LUZP1: variants seen among roughly 807,000 people sequenced by gnomAD.
LUZP1 encodes the protein leucine zipper protein 1, also known as filamin mechanobinding actin cross-linking protein.
In LUZP1, 25 loss-of-function variants were observed where a neutral mutation model predicts 71.3. The observed-to-expected ratio is 0.35, with a 90% CI of 0.26 to 0.49. The LOEUF (loss-of-function observed/expected upper bound fraction) is 0.49. Ranked by LOEUF, LUZP1 falls within the 20% of genes least tolerant of loss-of-function variation. The pLI, the probability that LUZP1 is intolerant of heterozygous loss-of-function variation, is 0.99. For synonymous variants in LUZP1, 481 were observed against 506.4 expected (o/e 0.95, Z 0.67); for missense variants, 1,142 against 1,300.8 (o/e 0.88, Z 1.88).
chr1:23,098,715 A>G (rs973381908), intron 3 of LUZP1, among the ~76,000 whole-genome samples: 1 of 152,214 alleles, frequency 6.6e-6, no homozygotes, highest in African/African-American at 2.4e-5. Context: ...GACAAGAGTG[A>G]AGAAACAGTC....
chr1:23,158,203 T>G (rs570803987), intron 2 of LUZP1, among the ~76,000 whole-genome samples: 1 of 152,370 alleles, frequency 6.6e-6, no homozygotes, highest in East Asian at 1.9e-4. Context: ...CCATTATATT[T>G]GCTTCCAGAG....
chr1:23,157,407 T>C (rs1644428376), intron 2 of LUZP1, among the ~76,000 whole-genome samples: 1 of 152,062 alleles, frequency 6.6e-6, no homozygotes, highest in Admixed American at 6.6e-5. Flanking sequence ...CCAGGCACAG[T>C]GGTGCCTACC....
intron 2 of LUZP1, among the ~76,000 whole-genome samples, chr1:23,165,306 T>C (rs1644501129): frequency 1.3e-5 from 2 of 151,960 alleles, no homozygotes; most frequent in Non-Finnish European, 2.9e-5. Context: ...TTTGTCAAAC[T>C]GTACACTTAA....
intron 2 of LUZP1, among the ~76,000 whole-genome samples, chr1:23,165,073 C>T (rs1269855801): frequency 6.6e-6 from 1 of 152,190 alleles, no homozygotes; most frequent in Non-Finnish European, 1.5e-5. Context: ...CCTTATTCTT[C>T]CTATTTACCT....
intron 2 of LUZP1, among the ~76,000 whole-genome samples, chr1:23,156,359 A>T (rs1361563446): frequency 6.6e-6 from 1 of 152,194 alleles, no homozygotes; most frequent in Non-Finnish European, 1.5e-5. Flanking sequence ...CAGCCTGGGC[A>T]ACAGAGCGAG....
At position 23,089,034 on chromosome 1, in the gene LUZP1, C is replaced by G. The variant is rs190175949; in HGVS notation, c.3092G>C (p.Cys1031Ser). The G allele has an allele frequency of 1.4e-5, 23 of 1,613,908 alleles. No individual in the cohort carries two copies. The Admixed American group carries it at 1.7e-4, about 12-fold the overall frequency. Residue 1031 changes from cysteine (C) to serine (S), a missense_variant, in exon 5 of 5, where the codon TGT becomes TCT. By Grantham distance (112) the Cys-to-Ser change is moderately radical. Transcript: ENST00000302291. ...CAGTTGCCTGTAGACACTGAGTGTACAGTCTTCCCCTTCTTCCTCCTGTGC... is the reference window on the plus strand; with the variant it reads ...CAGTTGCCTGTAGACACTGAGTGTAGAGTCTTCCCCTTCTTCCTCCTGTGC...
intron 2 of LUZP1, among the ~76,000 whole-genome samples, chr1:23,168,430 G>A (rs1274934052): frequency 7.1e-6 from 1 of 140,056 alleles, no homozygotes; most frequent in Non-Finnish European, 1.5e-5. Context: ...CCGCGTCTCT[G>A]CCCCAAACAT....
At chr1:23,143,968 C>T (rs1325802894) in intron 2 of LUZP1, among the ~76,000 whole-genome samples, 1 of 152,214 alleles carries the variant, frequency 6.6e-6, no homozygotes, top group Non-Finnish European at 1.5e-5. Flanking sequence ...CTTTATCTAC[C>T]TTCAATCATA....
At chr1:23,118,775 C>T (rs72877235) in intron 2 of LUZP1, among the ~76,000 whole-genome samples, 1,942 of 152,262 alleles carry the variant, frequency 0.013, 55 homozygotes, top group African/African-American at 0.044. Flanking sequence ...ATATTGTCAT[C>T]CTAATTTCAC....
intron 2 of LUZP1, among the ~76,000 whole-genome samples, chr1:23,158,168 A>C (rs377362627): frequency 2.0e-5 from 3 of 152,204 alleles, no homozygotes; most frequent in African/African-American, 7.2e-5. Context: ...GAAATTGTCT[A>C]ATTTAAACAT....
At chr1:23,110,510 T>C (rs1224187278) in intron 2 of LUZP1, among the ~76,000 whole-genome samples, 1 of 152,158 alleles carries the variant, frequency 6.6e-6, no homozygotes, top group African/African-American at 2.4e-5. Flanking sequence ...TACACATCCC[T>C]GCAAGCCACC....
chr1:23,115,414 AT>A (rs1644069948), intron 2 of LUZP1, among the ~76,000 whole-genome samples: 1 of 152,252 alleles, frequency 6.6e-6, no homozygotes, highest in African/African-American at 2.4e-5. Flanking sequence ...TATAAACAAG[AT>A]CAGAATTAGA....
chr1:23,122,554 A>T (rs933313888), intron 2 of LUZP1, among the ~76,000 whole-genome samples: 5 of 152,238 alleles, frequency 3.3e-5, no homozygotes, highest in Admixed American at 1.3e-4. Context: ...AGGCAGTACT[A>T]AAAGTTAGAA....
At chr1:23,092,549 T>A (rs774109355) in exon 4 of LUZP1, 3 of 1,614,170 alleles carry the variant, frequency 1.9e-6, no homozygotes, top group Non-Finnish European at 2.5e-6. Flanking sequence ...AGGAGGATCT[T>A]CGAGATGAGG....
rs370488038 is a variant in LUZP1, at chr1:23,094,189, G to A, written c.73C>T (p.Arg25Cys). Residue 25 changes from arginine to cysteine, a missense_variant, in exon 4 of 5, where the codon CGC (arginine) becomes TGC (cysteine). By Grantham distance (180) the Arg-to-Cys change is radical. Transcript: ENST00000302291. The surrounding 1 kb of genome is among the most constrained non-coding windows in gnomAD (Gnocchi z 4.7). Reference sequence around the variant, plus strand: ...GCTTCCTCCAACTCATCAAGGCGGCGGCTTAGACTCTGTAGCTTAAACCGC... The same window carrying A: ...GCTTCCTCCAACTCATCAAGGCGGCAGCTTAGACTCTGTAGCTTAAACCGC... 7.4e-6 allele frequency: 12 copies of A among 1,613,944 alleles called. No homozygotes were observed. The highest frequency in any genetic ancestry group is 6.7e-5 in the African/African-American group (5 of 74,882).
At chr1:23,166,041 T>A (rs1426157888) in intron 2 of LUZP1, among the ~76,000 whole-genome samples, 4 of 144,274 alleles carry the variant, frequency 2.8e-5, no homozygotes, top group Non-Finnish European at 6.0e-5. Flanking sequence ...TATGTTTGTC[T>A]TTTTACCAAA....
intron 2 of LUZP1, among the ~76,000 whole-genome samples, chr1:23,142,692 TATATATATACACACACACAC>T (rs1251923095): frequency 1.7e-4 from 14 of 80,104 alleles, no homozygotes; most frequent in African/African-American, 6.4e-4. Context: ...ATAAAATATA[TATATATATACACACACACAC>T]ACACACACAC....
chr1:23,107,758 A>G (rs1304879004), intron 3 of LUZP1, among the ~76,000 whole-genome samples: 1 of 152,196 alleles, frequency 6.6e-6, no homozygotes, highest in African/African-American at 2.4e-5. Flanking sequence ...GCAGTGAGCC[A>G]AGATCGCACC....
chr1:23,100,751 C>T (rs531708608), intron 3 of LUZP1, among the ~76,000 whole-genome samples: 1 of 152,324 alleles, frequency 6.6e-6, no homozygotes, highest in Admixed American at 6.5e-5. Context: ...GCTCCTTTCA[C>T]TTACTCAACC....
Sources: allele counts gnomAD v4.1 joint callset (sites outside exome capture counted in the v4.1 genomes callset), GRCh38; gene constraint gnomAD v4.1.1; non-coding constraint Gnocchi (gnomAD v3.1); transcripts MANE v1.5; gene names NCBI Gene and HGNC (gene_info 2026-07-23, HGNC 2026-07-21).